Variants in RABGAP1L observed in about 807,000 individuals in gnomAD.
RABGAP1L encodes RAB GTPase activating protein 1 like, also known as rab GTPase-activating protein 1-like.
A neutral mutation model predicts 137.7 loss-of-function variants in RABGAP1L; 63 were observed. The observed-to-expected ratio is 0.46, with a 90% confidence interval of 0.37 to 0.56. The LOEUF is 0.56. Among genes scored for constraint, RABGAP1L ranks in the 20% least tolerant of loss-of-function variants. The probability of loss-of-function intolerance (pLI) is 0.00; values close to 1 mark genes in which losing one functional copy is unlikely to be tolerated. For synonymous variants in RABGAP1L, 431 were observed against 433.7 expected (o/e 0.99, Z 0.08); for missense variants, 1,095 against 1,244.0 (o/e 0.88, Z 1.80).
chr1:174,882,249 T>A (rs1482168702), intron 19 of RABGAP1L, among the ~76,000 whole-genome samples: 1 of 152,222 alleles, frequency 6.6e-6, no homozygotes, highest in Non-Finnish European at 1.5e-5. Flanking sequence ...AGTACAGGCT[T>A]AATTAAATAT....
intron 10 of RABGAP1L, among the ~76,000 whole-genome samples, chr1:174,286,369 G>C (rs529580305): frequency 6.6e-6 from 1 of 151,936 alleles, no homozygotes; most frequent in African/African-American, 2.4e-5. Context: ...GTTCATAATA[G>C]TCTCTTATGA....
At chr1:174,349,445 C>T (rs932457795) in intron 11 of RABGAP1L, among the ~76,000 whole-genome samples, 1 of 129,538 alleles carries the variant, frequency 7.7e-6, no homozygotes, top group Non-Finnish European at 1.7e-5. Flanking sequence ...AGGCGGCTGG[C>T]CGGGCGTGGG....
intron 20 of RABGAP1L, among the ~76,000 whole-genome samples, chr1:174,968,677 T>C (rs1043084009): frequency 1.3e-5 from 2 of 152,192 alleles, no homozygotes; most frequent in African/African-American, 4.8e-5. Context: ...AGATATCTTA[T>C]GACTGTTGCT....
At chr1:174,557,880 C>T (rs1470475555) in intron 13 of RABGAP1L, among the ~76,000 whole-genome samples, 1 of 152,190 alleles carries the variant, frequency 6.6e-6, no homozygotes, top group Non-Finnish European at 1.5e-5. Flanking sequence ...GCACATGGAC[C>T]ACATCAACTT....
intron 11 of RABGAP1L, among the ~76,000 whole-genome samples, chr1:174,332,385 TTTA>T: frequency 1.3e-5 from 1 of 79,790 alleles, no homozygotes; most frequent in Non-Finnish European, 2.5e-5. Flanking sequence ...TAAATTTTTA[TTTA>T]TTTATTTATT....
chr1:174,763,222 A>G (rs1685370899), intron 18 of RABGAP1L, among the ~76,000 whole-genome samples: 1 of 152,006 alleles, frequency 6.6e-6, no homozygotes, highest in African/African-American at 2.4e-5. Context: ...TTCCCTTTAA[A>G]AATGTACAAT....
intron 17 of RABGAP1L, among the ~76,000 whole-genome samples, chr1:174,746,066 G>C (rs1683836838): frequency 6.6e-6 from 1 of 152,144 alleles, no homozygotes; most frequent in African/African-American, 2.4e-5. Flanking sequence ...TTAAGTTTTT[G>C]ACAGCTTCTC....
At chr1:174,236,292 A>AT (rs1671163270) in intron 4 of RABGAP1L, among the ~76,000 whole-genome samples, 1 of 34,746 alleles carries the variant, frequency 2.9e-5, no homozygotes, top group Non-Finnish European at 6.0e-5. Context: ...GATTTTAGTT[A>AT]TTTCTTGCCT....
intron 13 of RABGAP1L, among the ~76,000 whole-genome samples, chr1:174,432,563 G>T (rs1380643166): frequency 6.6e-6 from 1 of 152,066 alleles, no homozygotes; most frequent in Non-Finnish European, 1.5e-5. Context: ...TTTTGAGAAG[G>T]AGTCTCTCAC....
chr1:174,417,767 G>A (rs950109280), intron 13 of RABGAP1L, among the ~76,000 whole-genome samples: 12 of 151,906 alleles, frequency 7.9e-5, no homozygotes, highest in African/African-American at 2.9e-4. Flanking sequence ...ACTCATTAGT[G>A]GACTATATTG....
intron 11 of RABGAP1L, among the ~76,000 whole-genome samples, chr1:174,312,854 G>A (rs1678986604): frequency 6.6e-6 from 1 of 152,152 alleles, no homozygotes; most frequent in Non-Finnish European, 1.5e-5. Flanking sequence ...TGAAGAGACT[G>A]TTCTTTCTCC....
chr1:174,875,800 G>A, intron 19 of RABGAP1L: 1 of 775,632 alleles, frequency 1.3e-6, no homozygotes, highest in East Asian at 1.3e-4. Flanking sequence ...GGATAAATGT[G>A]CAGGAAAAAA....
At chr1:174,861,803 G>A (rs534492916) in intron 19 of RABGAP1L, among the ~76,000 whole-genome samples, 2 of 152,046 alleles carry the variant, frequency 1.3e-5, no homozygotes, top group African/African-American at 4.8e-5. Context: ...TGGGTTATTT[G>A]GTGTTTTGCT....
chr1:174,790,095 A>C (rs1192596472), intron 18 of RABGAP1L, among the ~76,000 whole-genome samples: 1 of 152,032 alleles, frequency 6.6e-6, no homozygotes, highest in Non-Finnish European at 1.5e-5. Flanking sequence ...CTGTGGTTCC[A>C]GCTGCACAGG....
intron 8 of RABGAP1L, chr1:174,275,250 T>G (rs1475372832): frequency 2.0e-5 from 3 of 152,088 alleles, no homozygotes; most frequent in African/African-American, 7.2e-5. Context: ...AAACCAAAAA[T>G]TAGTCTCCTA....
At chr1:174,675,001 T>C (rs1281927670) in intron 14 of RABGAP1L, among the ~76,000 whole-genome samples, 1 of 152,068 alleles carries the variant, frequency 6.6e-6, no homozygotes, top group Non-Finnish European at 1.5e-5. Context: ...CTTTGTCAGA[T>C]GAGTAGGTTG....
At chr1:174,567,120 C>G (rs1180345880) in intron 13 of RABGAP1L, among the ~76,000 whole-genome samples, 1 of 151,982 alleles carries the variant, frequency 6.6e-6, no homozygotes, top group Non-Finnish European at 1.5e-5. Context: ...CTATCTATAT[C>G]CAACACTTTA....
At chr1:174,349,919 C>G (rs1682939085) in intron 11 of RABGAP1L, among the ~76,000 whole-genome samples, 1 of 143,692 alleles carries the variant, frequency 7.0e-6, no homozygotes, top group Non-Finnish European at 1.6e-5. Flanking sequence ...CTGACCCCCC[C>G]CCACCTCCCT....
chr1:174,328,936 A>G (rs1017712098), intron 11 of RABGAP1L, among the ~76,000 whole-genome samples: 4 of 151,992 alleles, frequency 2.6e-5, no homozygotes, highest in Admixed American at 6.6e-5. Context: ...TCAAGGAACT[A>G]GGAAAACTAA....
Sources: allele counts gnomAD v4.1 joint callset (sites outside exome capture counted in the v4.1 genomes callset), GRCh38; gene constraint gnomAD v4.1.1; transcripts MANE v1.5; gene names NCBI Gene and HGNC (gene_info 2026-07-23, HGNC 2026-07-21).